ROBO2: variants seen among roughly 807,000 people sequenced by gnomAD.
ROBO2 encodes the protein roundabout homolog 2.
ROBO2 carries 53 observed loss-of-function variants against 160.8 expected under a neutral mutation model. The observed-to-expected ratio is 0.33, with a 90% CI of 0.26 to 0.41. The LOEUF (loss-of-function observed/expected upper bound fraction) is 0.41. Among genes scored for constraint, ROBO2 ranks in the 10% least tolerant of loss-of-function variants. The pLI, the probability that ROBO2 is intolerant of heterozygous loss-of-function variation, is 1.00. For synonymous variants in ROBO2, 664 were observed against 611.7 expected, an observed-to-expected ratio of 1.09 and a Z score of -1.26; for missense variants, 1,577 against 1,722.4, an observed-to-expected ratio of 0.92 and a Z score of 1.49.
chr3:76,153,522 C>G lies in ROBO2; in HGVS notation c.109+215920C>G, dbSNP rs529775289. ...ATGAAAACATAACCAAGAAAAGAAC[C>G]CTAAACCAAAATTTATCCTGGATGG... On this transcript the variant is annotated intron_variant, in intron 2 of 26. Transcript: ENST00000487694. Among the ~76,000 whole-genome samples, 6 of 151,854 alleles carry G rather than the reference C, an allele frequency of 4.0e-5. No individual in the cohort carries two copies. In the East Asian group the frequency reaches 9.7e-4, roughly 25 times the overall value.
At chr3:77,614,127 T>A (rs2094712912) in intron 21 of ROBO2, among the ~76,000 whole-genome samples, 1 of 152,238 alleles carries the variant, frequency 6.6e-6, no homozygotes, top group South Asian at 2.1e-4. Context: ...ATGGATGGAA[T>A]AAAGAGAAGT....
chr3:77,433,510 A>ATATATATATG (rs1553954820), intron 2 of ROBO2, among the ~76,000 whole-genome samples: 1 of 129,142 alleles, frequency 7.7e-6, no homozygotes, highest in African/African-American at 3.0e-5. Context: ...ATATATATAT[A>ATATATATATG]TATATATATT....
intron 2 of ROBO2, among the ~76,000 whole-genome samples, chr3:76,753,453 C>T (rs1282485582): frequency 6.6e-6 from 1 of 151,792 alleles, no homozygotes; most frequent in Non-Finnish European, 1.5e-5. Flanking sequence ...TTATTTCAAA[C>T]TACAAATATA....
At chr3:76,190,660 G>C (rs1317502383) in intron 2 of ROBO2, among the ~76,000 whole-genome samples, 1 of 151,954 alleles carries the variant, frequency 6.6e-6, no homozygotes, top group Non-Finnish European at 1.5e-5. Flanking sequence ...TGTAAACCAG[G>C]TTAATTTAAA....
intron 19 of ROBO2, among the ~76,000 whole-genome samples, chr3:77,598,561 A>G (rs1222354779): frequency 1.4e-5 from 2 of 143,656 alleles, no homozygotes; most frequent in Admixed American, 7.1e-5. Context: ...TTGGCATACC[A>G]TCAATCATCA....
chr3:77,415,494 A>G (rs1339145859), intron 2 of ROBO2, among the ~76,000 whole-genome samples: 2 of 152,212 alleles, frequency 1.3e-5, no homozygotes, highest in African/African-American at 4.8e-5. Context: ...ACAATGACAC[A>G]GGGCGCTTTC....
chr3:76,459,853 T>G (rs927674638), intron 2 of ROBO2, among the ~76,000 whole-genome samples: 1 of 152,120 alleles, frequency 6.6e-6, no homozygotes, highest in African/African-American at 2.4e-5. Context: ...AAGGATCACT[T>G]AAGTTCAGTT....
intron 2 of ROBO2, among the ~76,000 whole-genome samples, chr3:76,638,888 A>G (rs1273118494): frequency 6.6e-6 from 1 of 152,218 alleles, no homozygotes; most frequent in Non-Finnish European, 1.5e-5. Context: ...ACTTGAAAGT[A>G]GACGATAACT....
At position 76,141,179 on chromosome 3, in the gene ROBO2, A is replaced by T. The variant is rs189731646; in HGVS notation, c.109+203577A>T. Among the ~76,000 whole-genome samples the T allele has an allele frequency of 5.9e-4, 62 of 104,476 alleles. 1 individual carries two copies. The highest frequency in any genetic ancestry group is 5.5e-3 in the East Asian group (17 of 3,066). The allele number at this position is 104,476 out of a possible 152,430, so 68.5% of individuals were successfully genotyped here. A position where few individuals can be genotyped will look rare whatever the true frequency, so the allele number is the denominator to read the frequency against. The stretch of plus-strand genomic sequence containing the variant: ...TCTCTCTATATATATATATATATAT[A>T]TATATATATTTAATGTCTGATATAT... On this transcript the variant is annotated intron_variant, in intron 2 of 26. Coordinates refer to the ROBO2 transcript ENST00000487694.
intron 2 of ROBO2, among the ~76,000 whole-genome samples, chr3:76,840,958 A>G (rs1284879890): frequency 1.3e-5 from 2 of 152,066 alleles, no homozygotes; most frequent in African/African-American, 4.8e-5. Context: ...TGATGGTCCA[A>G]CTACAAGCCT....
chr3:76,266,958 CAT>C (rs1707136930), intron 2 of ROBO2, among the ~76,000 whole-genome samples: 1 of 152,180 alleles, frequency 6.6e-6, no homozygotes, highest in Non-Finnish European at 1.5e-5. Flanking sequence ...TAAAAATCCA[CAT>C]GTTCTTTCGG....
At chr3:76,536,832 T>G (rs2082533400) in intron 2 of ROBO2, among the ~76,000 whole-genome samples, 2 of 151,998 alleles carry the variant, frequency 1.3e-5, no homozygotes, top group Non-Finnish European at 2.9e-5. Flanking sequence ...TGGGGTCTGA[T>G]GAGAAAGAGC....
At chr3:77,074,748 G>GAATA (rs2067778715) in intron 1 of ROBO2, among the ~76,000 whole-genome samples, 1 of 152,094 alleles carries the variant, frequency 6.6e-6, no homozygotes, top group Non-Finnish European at 1.5e-5. Context: ...ATGAATGAAT[G>GAATA]AATGAATGAA....
At chr3:77,308,946 G>T (rs896617034) in intron 2 of ROBO2, among the ~76,000 whole-genome samples, 2 of 152,036 alleles carry the variant, frequency 1.3e-5, no homozygotes, top group Non-Finnish European at 2.9e-5. Flanking sequence ...AAAACTTTTA[G>T]TCCAATATTT....
At chr3:75,995,484 G>A (rs940154203) in intron 2 of ROBO2, among the ~76,000 whole-genome samples, 4 of 152,194 alleles carry the variant, frequency 2.6e-5, no homozygotes, top group South Asian at 2.1e-4. Flanking sequence ...TTCAGAAAAT[G>A]TATGGGAACA....
intron 11 of ROBO2, 151 bp downstream of exon 12, chr3:77,563,480 A>G: frequency 1.2e-6 from 1 of 818,840 alleles, no homozygotes; most frequent in Non-Finnish European, 1.9e-6. Context: ...ATTCAAGAAC[A>G]GAGTTAATTT....
intron 16 of ROBO2, among the ~76,000 whole-genome samples, chr3:77,583,034 C>G (rs892036091): frequency 6.7e-6 from 1 of 149,338 alleles, no homozygotes. Context: ...CCCAGCTACT[C>G]GGGAGGCTGA....
intron 2 of ROBO2, among the ~76,000 whole-genome samples, chr3:77,329,800 C>T (rs1031987887): frequency 9.2e-5 from 14 of 152,154 alleles, no homozygotes; most frequent in African/African-American, 3.1e-4. Flanking sequence ...CAGATTATAA[C>T]CTGTCTCTGC....
At chr3:77,505,798 A>T (rs1437188992) in intron 5 of ROBO2, among the ~76,000 whole-genome samples, 1 of 152,190 alleles carries the variant, frequency 6.6e-6, no homozygotes, top group Non-Finnish European at 1.5e-5. Context: ...GAAGAATCTG[A>T]GGGGCAAATA....
Sources: allele counts gnomAD v4.1 joint callset (sites outside exome capture counted in the v4.1 genomes callset), GRCh38; gene constraint gnomAD v4.1.1; transcripts MANE v1.5; gene names NCBI Gene and HGNC (gene_info 2026-07-23, HGNC 2026-07-21).